Variants in SLC38A10 observed in about 807,000 individuals in gnomAD.
SLC38A10 encodes the protein Sodium-coupled neutral amino acid transporter 10.
A neutral mutation model predicts 81.0 loss-of-function variants in SLC38A10; 53 were observed. The ratio of observed to expected loss-of-function variants is 0.65; its 90% confidence interval spans 0.53 to 0.82. SLC38A10 has a LOEUF of 0.82. SLC38A10 is among the 40% of genes least tolerant of loss of function. The pLI is 0.00. For synonymous variants in SLC38A10, 665 were observed against 655.3 expected, an observed-to-expected ratio of 1.01 and a Z score of -0.23; for missense variants, 1,471 against 1,545.0, an observed-to-expected ratio of 0.95 and a Z score of 0.80.
chr17:81,261,248 T>C (rs1007608719), intron 10 of SLC38A10, among the ~76,000 whole-genome samples: 6 of 152,188 alleles, frequency 3.9e-5, no homozygotes, highest in Non-Finnish European at 4.4e-5. Context: ...CCCCGGCTCC[T>C]GCCACCCCTG....
In SLC38A10 at chr17:81,254,649, T is replaced by A. The variant is rs143153472; in HGVS notation, c.1289-1409A>T. ...TTAGTAGAGACAGGGTTTCACCACG[T>A]TGGCCAGGCTGGTCTCAAACTCCTG... On this transcript the variant is annotated intron_variant, in intron 11 of 15. Coordinates refer to ENST00000374759, the MANE Select transcript of SLC38A10 (RefSeq NM_001037984.3). Among the ~76,000 whole-genome samples, 430 of 152,334 alleles carry A rather than the reference T, an allele frequency of 2.8e-3. 2 individuals carry two copies. The highest frequency in any genetic ancestry group is 8.5e-3 in the African/African-American group (352 of 41,578).
chr17:81,280,023 G>A (rs891027289), intron 6 of SLC38A10: 6 of 381,452 alleles, frequency 1.6e-5, no homozygotes, highest in Middle Eastern at 5.6e-4. Context: ...GTCTTTTCCC[G>A]TCTGCGCCGG....
rs1371435314 is a variant in SLC38A10 at position 81,272,630 on chromosome 17, G to A, written c.913-3C>T. 10 of 1,533,582 alleles carry A rather than the reference G, an allele frequency of 6.5e-6. No individual in the cohort carries two copies. Among genetic ancestry groups the A allele is most frequent in the Middle Eastern group, 1.7e-4 (1 of 5,772 alleles). 95.0% of individuals were successfully genotyped at this position (1,533,582 alleles called of 1,614,324 possible). A position where few individuals can be genotyped will look rare whatever the true frequency, so the allele number is the denominator to read the frequency against. ...GCTGCAAAGGTGCCATCTTTTTGCTGTACAAAAGAAAAACAAAAGGTTTTG... is the reference window on the plus strand; with the variant it reads ...GCTGCAAAGGTGCCATCTTTTTGCTATACAAAAGAAAAACAAAAGGTTTTG... On this transcript the variant is annotated splice_polypyrimidine_tract_variant and splice_region_variant and intron_variant, in intron 8 of 15. Transcript: ENST00000374759.
rs532091051 is a variant in SLC38A10 at position 81,283,800 on chromosome 17, G to A, written c.264-298C>T. 3.3e-5 allele frequency among the ~76,000 whole-genome samples: 5 copies of A among 149,394 alleles called. No homozygotes were observed. In the East Asian group the frequency reaches 6.0e-4, roughly 18 times the overall value. On this transcript the variant is annotated intron_variant, in intron 3 of 15. Coordinates refer to ENST00000374759, the MANE Select transcript of SLC38A10 (RefSeq NM_001037984.3). This position sits in a 1 kb window ranked among gnomAD's most constrained non-coding sequence, Gnocchi z 4.7. Reference sequence around the variant, plus strand: ...AATTGTTTGTATTTTTAGTAGAGACGGGGTTGCACCGTGTTAGCCAGGATG... The same window carrying A: ...AATTGTTTGTATTTTTAGTAGAGACAGGGTTGCACCGTGTTAGCCAGGATG...
intron 10 of SLC38A10, among the ~76,000 whole-genome samples, chr17:81,268,819 AAT>A (rs2063091519): frequency 1.3e-5 from 2 of 152,230 alleles, no homozygotes; most frequent in Non-Finnish European, 2.9e-5. Flanking sequence ...ATTAACTGTA[AAT>A]AGTCTTAAAT....
intron 10 of SLC38A10, among the ~76,000 whole-genome samples, chr17:81,266,068 C>T (rs1359022424): frequency 6.6e-6 from 1 of 152,212 alleles, no homozygotes; most frequent in East Asian, 1.9e-4. Context: ...ACTGGGCTAA[C>T]GGGTAAACAC....
chr17:81,292,056 A>T (rs1190912305), intron 1 of SLC38A10, among the ~76,000 whole-genome samples: 1 of 152,160 alleles, frequency 6.6e-6, no homozygotes. Flanking sequence ...TTTGTATGTC[A>T]AACTTCAATG....
At chr17:81,287,460 C>T (rs1004400792) in intron 2 of SLC38A10, among the ~76,000 whole-genome samples, 5 of 152,228 alleles carry the variant, frequency 3.3e-5, no homozygotes, top group African/African-American at 2.4e-5. Flanking sequence ...CCTCTCCCAG[C>T]GCGGGTCTCC....
intron 4 of SLC38A10, among the ~76,000 whole-genome samples, chr17:81,282,617 A>T (rs961737640): frequency 6.6e-6 from 1 of 152,160 alleles, no homozygotes; most frequent in Non-Finnish European, 1.5e-5. Context: ...GGGAGGCAAC[A>T]CAGTGGCTGT....
chr17:81,259,210 C>G (rs1473907495), intron 11 of SLC38A10, among the ~76,000 whole-genome samples: 2 of 152,218 alleles, frequency 1.3e-5, no homozygotes, highest in Non-Finnish European at 2.9e-5. Flanking sequence ...GTGGAGGCCC[C>G]TCCTGGAGGC....
intron 9 of SLC38A10, 40 bp from the exon 10 acceptor site, chr17:81,271,064 G>T: frequency 6.4e-7 from 1 of 1,556,064 alleles, no homozygotes; most frequent in Non-Finnish European, 8.8e-7. Context: ...AGTGGGGAAG[G>T]GCTCTGGGAA....
rs924795815 is a variant in SLC38A10, at chr17:81,259,081, C to T, written c.1288+1157G>A. Among the ~76,000 whole-genome samples the T allele has an allele frequency of 1.4e-4, 21 of 152,328 alleles. No individual in the cohort carries two copies. The East Asian group carries it at 1.9e-3, about 14-fold the overall frequency. On this transcript the variant is annotated intron_variant, in intron 11 of 15. Coordinates refer to ENST00000374759, the MANE Select transcript of SLC38A10 (RefSeq NM_001037984.3). The stretch of plus-strand genomic sequence containing the variant: ...AAGGAGCTTTCCAGGCACAGGAGTG[C>T]GGAGCTCAGAACAGAGATGACAACA...
chr17:81,257,058 CTT>C (rs751319941), intron 11 of SLC38A10, among the ~76,000 whole-genome samples: 6 of 152,328 alleles, frequency 3.9e-5, no homozygotes, highest in Non-Finnish European at 7.3e-5. Flanking sequence ...ATGCTTCTCC[CTT>C]CTCTCCTCTG....
rs1328043904 is a variant in SLC38A10 at position 81,253,952 on chromosome 17, T to C, written c.1289-712A>G. ...ATTGCCATCACCTCCATTATCGTCA[T>C]CACCACCACCATCTCCATCCCCACC... On this transcript the variant is annotated intron_variant, in intron 11 of 15. Coordinates refer to ENST00000374759, the MANE Select transcript of SLC38A10 (RefSeq NM_001037984.3). The surrounding 1 kb of genome is among the most constrained non-coding windows in gnomAD (Gnocchi z 4.1). 6.6e-6 allele frequency among the ~76,000 whole-genome samples: 1 copy of C among 151,126 alleles called. No homozygotes were observed. The highest frequency in any genetic ancestry group is 6.6e-5 in the Admixed American group (1 of 15,192).
At chr17:81,261,311 C>T (rs1387340511) in intron 10 of SLC38A10, among the ~76,000 whole-genome samples, 3 of 152,220 alleles carry the variant, frequency 2.0e-5, no homozygotes, top group African/African-American at 7.2e-5. Flanking sequence ...CACGGGGCCA[C>T]GGCAGCGGGT....
intron 11 of SLC38A10, among the ~76,000 whole-genome samples, chr17:81,254,958 C>T (rs919946988): frequency 6.6e-6 from 1 of 152,264 alleles, no homozygotes; most frequent in African/African-American, 2.4e-5. Flanking sequence ...TCTCCGTTGT[C>T]ATAGGACAAG....
chr17:81,268,298 C>T (rs1409020023), intron 10 of SLC38A10, among the ~76,000 whole-genome samples: 1 of 152,148 alleles, frequency 6.6e-6, no homozygotes, highest in Non-Finnish European at 1.5e-5. Context: ...ATTTCTCAAA[C>T]ACAACATCTG....
In SLC38A10 at chr17:81,246,403, T is replaced by C; in HGVS notation, c.2513A>G (p.Lys838Arg). 6.2e-7 allele frequency: 1 copy of C among 1,601,174 alleles called. No individual in the cohort carries two copies. Residue 838 changes from lysine to arginine, a missense_variant, in exon 16 of 16, where the codon AAG becomes AGG. This residue lies in a region of SLC38A10 where 751 missense variants were observed against 717.4 expected (regional missense o/e 1.05). Transcript: ENST00000374759. ...AAQAKLRDGQ[K>R]DAAPRAAGTV... Reference sequence around the variant, plus strand: ...GCCAGCTGCCCTGGGGGCGGCATCCTTCTGGCCATCTCTCAGCTTGGCCTG... The same window carrying C: ...GCCAGCTGCCCTGGGGGCGGCATCCCTCTGGCCATCTCTCAGCTTGGCCTG...
rs1249593321 is a variant in SLC38A10, at chr17:81,288,668, T to A, written c.217+1023A>T. 6.6e-6 allele frequency: 1 copy of A among 152,290 alleles called. No individual in the cohort carries two copies. Among genetic ancestry groups the A allele is most frequent in the African/African-American group, 2.4e-5 (1 of 41,440 alleles). 9.4% of individuals were successfully genotyped at this position (152,290 alleles called of 1,614,324 possible). Reference sequence around the variant, plus strand: ...GCCTTCTCTCCTGGCTGAAACAGCATTAAAGCAAGAAAGAACTAAGGGAAA... The same window carrying A: ...GCCTTCTCTCCTGGCTGAAACAGCAATAAAGCAAGAAAGAACTAAGGGAAA... On this transcript the variant is annotated intron_variant, in intron 2 of 15. Coordinates refer to ENST00000374759, the MANE Select transcript of SLC38A10 (RefSeq NM_001037984.3). This position sits in a 1 kb window ranked among gnomAD's most constrained non-coding sequence, Gnocchi z 5.4.
Sources: allele counts gnomAD v4.1 joint callset (sites outside exome capture counted in the v4.1 genomes callset), GRCh38; gene constraint gnomAD v4.1.1; regional missense constraint gnomAD v4.1.1; non-coding constraint Gnocchi (gnomAD v3.1); transcripts MANE v1.5; gene names NCBI Gene and HGNC (gene_info 2026-07-23, HGNC 2026-07-21).